ZBBX: variants seen among roughly 807,000 people sequenced by gnomAD.
ZBBX encodes zinc finger B-box domain containing, also known as zinc finger B-box domain-containing protein 1.
ZBBX carries 101 observed loss-of-function variants against 108.5 expected under a neutral mutation model. The observed-to-expected ratio is 0.93, with a 90% CI of 0.79 to 1.10. The LOEUF (loss-of-function observed/expected upper bound fraction) is 1.10. Among genes scored for constraint, ZBBX ranks in the 50% least tolerant of loss-of-function variants. The pLI is 0.00. For missense variants in ZBBX, 1,009 were observed against 941.4 expected (o/e 1.07, Z -0.94); for synonymous variants, 356 against 323.4 (o/e 1.10, Z -1.08).
chr3:167,212,023 C>T, the ZBBX span, among the ~76,000 whole-genome samples: 1 of 152,184 alleles, frequency 6.6e-6, no homozygotes, highest in South Asian at 2.1e-4. Flanking sequence ...CCCATTCCTC[C>T]TCACTGGGTG....
the ZBBX span, among the ~76,000 whole-genome samples, chr3:167,181,121 G>A: frequency 3.9e-5 from 6 of 152,030 alleles, no homozygotes; most frequent in South Asian, 2.1e-4. Flanking sequence ...AACAACTGCC[G>A]CCATCAAAAA....
rs535659853 is a variant in ZBBX at position 167,289,757 on chromosome 3, G to T, written c.1880-774C>A. On this transcript the variant is annotated intron_variant, in intron 18 of 21. Transcript: ENST00000675490. ...GGAACATGAGTGAGACAGAAGCCAGGGGGGTGAAGCCAGGGAGCCAAGTGG... is the reference window on the plus strand; with the variant it reads ...GGAACATGAGTGAGACAGAAGCCAGTGGGGTGAAGCCAGGGAGCCAAGTGG... Among the ~76,000 whole-genome samples, 16 of 152,228 alleles carry T rather than the reference G, an allele frequency of 1.1e-4. No homozygotes were observed. The East Asian group carries it at 3.1e-3, about 29-fold the overall frequency.
At chr3:167,293,705 G>A (rs1405839738) in intron 18 of ZBBX, among the ~76,000 whole-genome samples, 1 of 152,160 alleles carries the variant, frequency 6.6e-6, no homozygotes, top group East Asian at 1.9e-4. Context: ...GGGCAATCAG[G>A]CAAGAGAAAG....
chr3:167,192,026 T>A, the ZBBX span, among the ~76,000 whole-genome samples: 1 of 150,360 alleles, frequency 6.7e-6, no homozygotes, highest in African/African-American at 2.4e-5. Flanking sequence ...TTAGGTTTTA[T>A]CTTTTATCAA....
chr3:167,242,275 A>G (rs1335868368), intron 21 of ZBBX, among the ~76,000 whole-genome samples: 1 of 152,222 alleles, frequency 6.6e-6, no homozygotes, highest in Non-Finnish European at 1.5e-5. Context: ...TTTTTATGAT[A>G]CATATTGTAC....
In ZBBX at chr3:167,356,396, G is replaced by A. The variant is rs142232070; in HGVS notation, c.432+3474C>T. Among the ~76,000 whole-genome samples, 35 of 151,936 alleles carry A rather than the reference G, an allele frequency of 2.3e-4. No individual in the cohort carries two copies. In the East Asian group the frequency reaches 5.0e-3, roughly 22 times the overall value. On this transcript the variant is annotated intron_variant, in intron 8 of 21. Transcript: ENST00000675490. ...GCTCTTTATTAGATGTGCAGCATTC[G>A]AACTCAGAGTCCAGTTAAAATTGCC... is the stretch of plus-strand genomic sequence containing the variant.
At chr3:167,227,271 AG>A in the ZBBX span, among the ~76,000 whole-genome samples, 1 of 151,824 alleles carries the variant, frequency 6.6e-6, no homozygotes, top group Admixed American at 6.6e-5. Context: ...AGACTATTAT[AG>A]ATGGTGTTTA....
intron 12 of ZBBX, among the ~76,000 whole-genome samples, chr3:167,321,287 G>A (rs979512712): frequency 6.6e-6 from 1 of 151,952 alleles, no homozygotes; most frequent in African/African-American, 2.4e-5. Context: ...CATGAGGGCT[G>A]ATTTCAAAAA....
chr3:167,256,061 C>T (rs1576789319), intron 20 of ZBBX, among the ~76,000 whole-genome samples: 2 of 152,012 alleles, frequency 1.3e-5, no homozygotes, highest in Admixed American at 6.6e-5. Context: ...ATGCAAAGTT[C>T]GTCTTGCTGT....
intron 9 of ZBBX, among the ~76,000 whole-genome samples, chr3:167,347,495 C>T (rs1371683105): frequency 6.6e-6 from 1 of 151,896 alleles, no homozygotes; most frequent in Non-Finnish European, 1.5e-5. Context: ...AAGAAAAATA[C>T]TACATGAAAC....
intron 20 of ZBBX, among the ~76,000 whole-genome samples, chr3:167,248,239 G>A (rs1324082476): frequency 1.3e-5 from 2 of 152,132 alleles, no homozygotes; most frequent in Admixed American, 1.3e-4. Context: ...ATGGAACAAA[G>A]CTGCGACGGT....
At chr3:167,279,409 C>A (rs1463203765) in intron 20 of ZBBX, among the ~76,000 whole-genome samples, 1 of 152,040 alleles carries the variant, frequency 6.6e-6, no homozygotes, top group Non-Finnish European at 1.5e-5. Flanking sequence ...TCTCAGGATA[C>A]AAAATCAATG....
In ZBBX at chr3:167,252,174, G is replaced by A. The variant is rs758382025; in HGVS notation, c.2255-9531C>T. On this transcript the variant is annotated intron_variant, in intron 20 of 21. Coordinates refer to ENST00000675490, the MANE Select transcript of ZBBX (RefSeq NM_001199201.2). Reference sequence around the variant, plus strand: ...ATTCTCCCAGCTCCTTAACATGGTTGTTTTTCATAGAACTTAGAAAGAAGA... The same window carrying A: ...ATTCTCCCAGCTCCTTAACATGGTTATTTTTCATAGAACTTAGAAAGAAGA... 22 of 1,289,546 alleles carry A rather than the reference G, an allele frequency of 1.7e-5. No homozygotes were observed. The South Asian group carries it at 2.7e-4, about 16-fold the overall frequency. The allele number at this position is 1,289,546 out of a possible 1,614,324, so 79.9% of individuals were successfully genotyped here.
chr3:167,379,301 A>C (rs1332645864), intron 2 of ZBBX, among the ~76,000 whole-genome samples: 3 of 152,196 alleles, frequency 2.0e-5, no homozygotes, highest in Non-Finnish European at 4.4e-5. Context: ...TCTTCACTGA[A>C]CTTACACTCT....
rs1233658329 is a variant in ZBBX at position 167,340,691 on chromosome 3, A to G, written c.529-6706T>C. Among the ~76,000 whole-genome samples, 3 of 151,964 alleles carry G rather than the reference A, an allele frequency of 2.0e-5. No individual in the cohort carries two copies. The South Asian group carries it at 6.2e-4, about 32-fold the overall frequency. ...TGGATCAAAGTTTTCATCTACTGTT[A>G]GAATCAAAAGAAAGGGTTGGGGGGT... On this transcript the variant is annotated intron_variant, in intron 9 of 21. Coordinates refer to ENST00000675490, the MANE Select transcript of ZBBX (RefSeq NM_001199201.2).
intron 2 of ZBBX, among the ~76,000 whole-genome samples, chr3:167,374,516 A>G (rs1746642531): frequency 6.6e-6 from 1 of 152,222 alleles, no homozygotes; most frequent in Non-Finnish European, 1.5e-5. Flanking sequence ...GTGACCATAG[A>G]CTTAAATGCC....
At chr3:167,209,715 A>T in the ZBBX span, among the ~76,000 whole-genome samples, 1 of 152,178 alleles carries the variant, frequency 6.6e-6, no homozygotes, top group Admixed American at 6.6e-5. Context: ...CCAGGAAATC[A>T]TGACATCAAC....
intron 21 of ZBBX, among the ~76,000 whole-genome samples, chr3:167,241,663 T>C (rs1452945707): frequency 6.6e-6 from 1 of 152,204 alleles, no homozygotes; most frequent in Non-Finnish European, 1.5e-5. Context: ...CAGGATAGCC[T>C]GAGCCCAGGA....
At chr3:167,207,838 G>A in the ZBBX span, among the ~76,000 whole-genome samples, 1 of 152,126 alleles carries the variant, frequency 6.6e-6, no homozygotes, top group African/African-American at 2.4e-5. Flanking sequence ...CAAAAAGCAT[G>A]TTCATAAGAA....
Sources: allele counts gnomAD v4.1 joint callset (sites outside exome capture counted in the v4.1 genomes callset), GRCh38; gene constraint gnomAD v4.1.1; transcripts MANE v1.5; gene names NCBI Gene and HGNC (gene_info 2026-07-23, HGNC 2026-07-21).